PPP2R5C: variants seen among roughly 807,000 people sequenced by gnomAD.
The protein encoded by PPP2R5C is serine/threonine-protein phosphatase 2A 56 kDa regulatory subunit gamma isoform.
In PPP2R5C, 7 loss-of-function variants were observed where a neutral mutation model predicts 68.9. The observed-to-expected ratio is 0.10, with a 90% CI of 0.06 to 0.19. The LOEUF (loss-of-function observed/expected upper bound fraction) is 0.19. PPP2R5C is among the 10% of genes least tolerant of loss of function. The pLI is 1.00. For synonymous variants in PPP2R5C, 210 were observed against 222.2 expected (o/e 0.95, Z 0.49); for missense variants, 348 against 641.3 (o/e 0.54, Z 4.94).
intron 5 of PPP2R5C, among the ~76,000 whole-genome samples, chr14:101,884,683 C>G (rs2140911466): frequency 6.6e-6 from 1 of 152,348 alleles, no homozygotes. Context: ...CAGGCTCCTT[C>G]CACGCCAGGG....
At chr14:101,810,136 G>A (rs1057316384) in intron 1 of PPP2R5C, 2 of 1,113,436 alleles carry the variant, frequency 1.8e-6, no homozygotes, top group Non-Finnish European at 2.7e-6. Flanking sequence ...CTTTCTAGCA[G>A]AATTCACCCC....
chr14:101,796,856 C>G (rs888250677), intron 3 of PPP2R5C: 1 of 271,274 alleles, frequency 3.7e-6, no homozygotes, highest in Admixed American at 4.7e-5. Flanking sequence ...GCCTCTGCTC[C>G]TCAAGTGTTT....
intron 9 of PPP2R5C, among the ~76,000 whole-genome samples, chr14:101,904,779 T>G (rs767358557): frequency 6.6e-6 from 1 of 152,188 alleles, no homozygotes; most frequent in Non-Finnish European, 1.5e-5. Flanking sequence ...AGCCTCCAAG[T>G]GCTGCTGTGA....
chr14:101,901,852 G>A (rs898759735), exon 9 of PPP2R5C: 3 of 1,614,064 alleles, frequency 1.9e-6, no homozygotes, highest in African/African-American at 1.3e-5. Flanking sequence ...CCCCTCTTCC[G>A]GCAGTTGGCC....
chr14:101,808,117 G>T (rs578245309), upstream of PPP2R5C, among the ~76,000 whole-genome samples: 44 of 151,306 alleles, frequency 2.9e-4, 1 homozygote, highest in African/African-American at 1.0e-3. Flanking sequence ...AGGAGGCTGG[G>T]GTGTGGGGCA....
At chr14:101,807,950 G>A (rs116066800), upstream of PPP2R5C, among the ~76,000 whole-genome samples, 853 of 148,286 alleles carry the variant, frequency 5.8e-3, 9 homozygotes, top group African/African-American at 0.02. Context: ...ATCTTATCTC[G>A]TATGAAATAT....
At chr14:101,893,388 T>C (rs1324060185) in intron 7 of PPP2R5C, among the ~76,000 whole-genome samples, 1 of 152,212 alleles carries the variant, frequency 6.6e-6, no homozygotes, top group Non-Finnish European at 1.5e-5. Context: ...GAGAGGAGTT[T>C]TCTGTAGTGT....
chr14:101,878,831 C>T (rs1411815533), intron 2 of PPP2R5C, among the ~76,000 whole-genome samples: 3 of 152,232 alleles, frequency 2.0e-5, no homozygotes, highest in Non-Finnish European at 2.9e-5. Flanking sequence ...AATGCCTTCA[C>T]AGGAACACCC....
chr14:101,797,642 C>A lies in PPP2R5C; in HGVS notation c.259+11459C>A. 5.3e-6 allele frequency: 1 copy of A among 189,548 alleles called. No individual in the cohort carries two copies. 11.7% of individuals were successfully genotyped at this position (189,548 alleles called of 1,614,324 possible). On this transcript the variant is annotated intron_variant, in intron 3 of 14. Coordinates refer to the PPP2R5C transcript ENST00000328724. The surrounding 1 kb of genome is among the most constrained non-coding windows in gnomAD (Gnocchi z 4.2). ...TGACTCACTTGACCTACTGCGTAGG[C>A]TCCTAAAAGGGTGTCGGCAAGTTGG...
intron 2 of PPP2R5C, among the ~76,000 whole-genome samples, chr14:101,764,112 A>G (rs1020952244): frequency 2.0e-5 from 3 of 152,220 alleles, no homozygotes; most frequent in African/African-American, 7.2e-5. Context: ...TGGAATGCCA[A>G]GTGAGCATTG....
rs988399920 is a variant in PPP2R5C, at chr14:101,891,299, C to G, written c.689+1003C>G. ...CTCTGCAGCTCCTGAGCACAAGACT[C>G]TCTTCTCAGGGTGGATCAGGTCCTG... is the stretch of plus-strand genomic sequence containing the variant. On this transcript the variant is annotated intron_variant, in intron 6 of 13. Coordinates refer to ENST00000334743, the Ensembl canonical transcript of PPP2R5C. This position sits in a 1 kb window ranked among gnomAD's most constrained non-coding sequence, Gnocchi z 4.9. Among the ~76,000 whole-genome samples the G allele has an allele frequency of 1.5e-4, 23 of 152,160 alleles. No individual in the cohort carries two copies. Among genetic ancestry groups the G allele is most frequent in the African/African-American group, 5.3e-4 (22 of 41,430 alleles).
chr14:101,824,020 T>A, intron 1 of PPP2R5C: 1 of 1,289,188 alleles, frequency 7.8e-7, no homozygotes, highest in Non-Finnish European at 1.0e-6. Flanking sequence ...CTAGGCACAG[T>A]GCCCACTTGT....
At chr14:101,903,258 G>A (rs1429880235) in intron 9 of PPP2R5C, among the ~76,000 whole-genome samples, 2 of 152,188 alleles carry the variant, frequency 1.3e-5, no homozygotes, top group Admixed American at 6.5e-5. Flanking sequence ...TATGGGTAAC[G>A]TTAGACCTTC....
At chr14:101,866,740 G>T (rs2043091241) in intron 2 of PPP2R5C, among the ~76,000 whole-genome samples, 1 of 152,128 alleles carries the variant, frequency 6.6e-6, no homozygotes, top group Admixed American at 6.5e-5. Context: ...GTGTCTTTGG[G>T]TGGTATCATT....
chr14:101,805,801 C>A (rs868525721), upstream of PPP2R5C, among the ~76,000 whole-genome samples: 7 of 152,074 alleles, frequency 4.6e-5, no homozygotes, highest in Admixed American at 3.3e-4. Context: ...TAAGCCAGTC[C>A]CAAAAGGACA....
rs1027104816 is a variant in PPP2R5C, at chr14:101,825,687, T to C, written c.94+15651T>C. ...AACCAGTTTTGTTGTATTTCAGATATTCTCACTGTGTAGTTAGCCTGTTCA... is the reference window on the plus strand; with the variant it reads ...AACCAGTTTTGTTGTATTTCAGATACTCTCACTGTGTAGTTAGCCTGTTCA... On this transcript the variant is annotated intron_variant, in intron 1 of 13. Transcript: ENST00000334743. This position sits in a 1 kb window ranked among gnomAD's most constrained non-coding sequence, Gnocchi z 4.0. Among the ~76,000 whole-genome samples the C allele has an allele frequency of 2.6e-5, 4 of 152,232 alleles. No individual in the cohort carries two copies. Among genetic ancestry groups the C allele is most frequent in the African/African-American group, 9.6e-5 (4 of 41,456 alleles).
chr14:101,913,344 T>C lies in PPP2R5C; in HGVS notation c.1326+871T>C, dbSNP rs74565651. 0.035 allele frequency among the ~76,000 whole-genome samples: 5,290 copies of C among 152,336 alleles called. 262 individuals are homozygous for C. The highest frequency in any genetic ancestry group is 0.11 in the African/African-American group (4,395 of 41,552). On this transcript the variant is annotated intron_variant, in intron 12 of 13. Transcript: ENST00000334743. This position sits in a 1 kb window ranked among gnomAD's most constrained non-coding sequence, Gnocchi z 4.1. ...ATGCATAGTTACCTAAGTTGGTTTT[T>C]AGATTTCTCTGACACTTAATAAAAA...
At chr14:101,903,786 C>T (rs1174529279) in intron 9 of PPP2R5C, among the ~76,000 whole-genome samples, 1 of 152,032 alleles carries the variant, frequency 6.6e-6, no homozygotes, top group Non-Finnish European at 1.5e-5. Flanking sequence ...AGTGATTCTC[C>T]TGCCTCGGCC....
chr14:101,908,901 T>A (rs898287041), intron 10 of PPP2R5C, among the ~76,000 whole-genome samples: 2 of 152,092 alleles, frequency 1.3e-5, no homozygotes, highest in African/African-American at 2.4e-5. Context: ...GAGGGTTACG[T>A]TTTTTGGGAT....
Sources: gnomAD v4.1 joint callset for allele counts (sites outside exome capture counted in the v4.1 genomes callset) on GRCh38, gnomAD v4.1.1 for gene constraint, Gnocchi (gnomAD v3.1) non-coding constraint, MANE v1.5 for transcripts, NCBI Gene and HGNC (gene_info 2026-07-23, HGNC 2026-07-21) for gene names.